EYS: variants seen among roughly 807,000 people sequenced by gnomAD.
EYS encodes EGF-like photoreceptor maintenance factor, also known as protein eyes shut homolog.
In EYS, 250 loss-of-function variants were observed where a neutral mutation model predicts 282.1. That is an observed-to-expected ratio of 0.89 (90% CI 0.80 to 0.98). EYS has a LOEUF of 0.98. Among genes scored for constraint, EYS ranks in the 50% least tolerant of loss-of-function variants. EYS has a pLI of 0.00. For missense variants in EYS, 4,016 were observed against 3,709.0 expected (o/e 1.08, Z -2.15); for synonymous variants, 1,355 against 1,282.9 (o/e 1.06, Z -1.20).
At chr6:63,763,151 C>T (rs997062075) in intron 40 of EYS, among the ~76,000 whole-genome samples, 3 of 152,030 alleles carry the variant, frequency 2.0e-5, no homozygotes, top group African/African-American at 7.2e-5. Flanking sequence ...GGAACAATAG[C>T]TTGAGGACAT....
At chr6:64,350,822 C>T (rs1582638992) in intron 29 of EYS, among the ~76,000 whole-genome samples, 1 of 151,464 alleles carries the variant, frequency 6.6e-6, no homozygotes, top group Admixed American at 6.6e-5. Flanking sequence ...TAATTCCCAA[C>T]GTGTTGTGGG....
At chr6:64,873,376 G>T (rs1766652748) in intron 19 of EYS, among the ~76,000 whole-genome samples, 1 of 152,110 alleles carries the variant, frequency 6.6e-6, no homozygotes, top group African/African-American at 2.4e-5. Flanking sequence ...TTTGGGAGGG[G>T]ACACAGCCAA....
At chr6:65,570,746 TTTTG>T (rs1764448192) in intron 2 of EYS, among the ~76,000 whole-genome samples, 1 of 152,130 alleles carries the variant, frequency 6.6e-6, no homozygotes, top group African/African-American at 2.4e-5. Flanking sequence ...AAAAGAAAGG[TTTTG>T]TTTATTTTCA....
chr6:64,507,793 T>C (rs760170307), intron 26 of EYS, among the ~76,000 whole-genome samples: 1 of 152,288 alleles, frequency 6.6e-6, no homozygotes, highest in East Asian at 1.9e-4. Flanking sequence ...GGAATTCTCT[T>C]AGGGTTTGGC....
chr6:65,597,061 A>G (rs949368567), intron 2 of EYS, among the ~76,000 whole-genome samples: 3 of 152,104 alleles, frequency 2.0e-5, no homozygotes, highest in Non-Finnish European at 4.4e-5. Flanking sequence ...GCATATGAAC[A>G]TTATATTAGA....
chr6:64,541,667 C>A (rs1390224980), intron 26 of EYS, among the ~76,000 whole-genome samples: 2 of 152,154 alleles, frequency 1.3e-5, no homozygotes, highest in African/African-American at 2.4e-5. Context: ...CCTTCCTAAT[C>A]CACTGATATT....
At chr6:65,078,440 G>A (rs1014324036) in intron 12 of EYS, among the ~76,000 whole-genome samples, 5 of 151,986 alleles carry the variant, frequency 3.3e-5, no homozygotes, top group African/African-American at 1.2e-4. Flanking sequence ...AAGCAAGATT[G>A]CCAAGAAGAA....
intron 26 of EYS, among the ~76,000 whole-genome samples, chr6:64,442,949 C>A (rs1046374964): frequency 1.4e-5 from 2 of 141,292 alleles, no homozygotes; most frequent in Admixed American, 1.4e-4. Flanking sequence ...TGGGGCACTG[C>A]CTAGTGGAGT....
chr6:65,192,190 T>G (rs547491000), intron 12 of EYS, among the ~76,000 whole-genome samples: 2 of 151,858 alleles, frequency 1.3e-5, no homozygotes, highest in South Asian at 4.2e-4. Flanking sequence ...ATCATGATTT[T>G]TTATCATAAA....
intron 12 of EYS, among the ~76,000 whole-genome samples, chr6:65,139,010 T>C (rs558751980): frequency 3.0e-4 from 46 of 152,250 alleles, no homozygotes; most frequent in African/African-American, 9.1e-4. Flanking sequence ...TCAGCCATTG[T>C]GGAAAGCATT....
In EYS at chr6:65,353,567, A is replaced by G. The variant is rs371781563; in HGVS notation, c.1350T>C (p.Asn450=). 2 of 1,613,192 alleles carry G rather than the reference A, an allele frequency of 1.2e-6. No homozygotes were observed. Among genetic ancestry groups the G allele is most frequent in the Non-Finnish European group, 1.7e-6 (2 of 1,179,518 alleles). Residue 450 remains asparagine (N), a synonymous_variant, in exon 9 of 43, where the codon AAT becomes AAC. Coordinates refer to ENST00000503581, the MANE Select transcript of EYS (RefSeq NM_001142800.2). ...CTKNPCWFLK[N]VYLIHQHLCY... ...AGAGGTGTTGATGAATTAGGTAAAC[A>G]TTCTTCAAAAACCAACATGGATTTT... is the stretch of plus-strand genomic sequence containing the variant.
chr6:63,725,980 A>T (rs1162228918), intron 42 of EYS, among the ~76,000 whole-genome samples: 1 of 152,194 alleles, frequency 6.6e-6, no homozygotes, highest in African/African-American at 2.4e-5. Context: ...AGGGTAAAGT[A>T]AAACCTAAAA....
intron 11 of EYS, among the ~76,000 whole-genome samples, chr6:65,308,104 T>C (rs1769061830): frequency 1.4e-5 from 1 of 72,482 alleles, no homozygotes; most frequent in Admixed American, 2.0e-4. Context: ...TCCCTAGCAG[T>C]TGGGACAGAC....
intron 15 of EYS, among the ~76,000 whole-genome samples, chr6:64,941,144 G>C (rs907709818): frequency 2.6e-5 from 4 of 152,038 alleles, no homozygotes; most frequent in Non-Finnish European, 5.9e-5. Context: ...ACTTTGGGAG[G>C]CTGAGGCGGG....
intron 5 of EYS, among the ~76,000 whole-genome samples, chr6:65,440,342 C>T (rs769283278): frequency 2.0e-5 from 3 of 151,004 alleles, no homozygotes; most frequent in Non-Finnish European, 4.4e-5. Flanking sequence ...GTCTTGAAAA[C>T]TTACAATGCA....
chr6:64,727,989 C>T (rs938080217), intron 22 of EYS, among the ~76,000 whole-genome samples: 1 of 152,108 alleles, frequency 6.6e-6, no homozygotes, highest in Admixed American at 6.5e-5. Context: ...GACCCCTTCA[C>T]GGGTGGAAAC....
chr6:65,250,844 G>T (rs890549282), intron 12 of EYS, among the ~76,000 whole-genome samples: 8 of 151,554 alleles, frequency 5.3e-5, no homozygotes, highest in African/African-American at 1.5e-4. Flanking sequence ...TCTACCGTAA[G>T]TTAGAATTTG....
intron 41 of EYS, among the ~76,000 whole-genome samples, chr6:63,750,992 C>A (rs931057592): frequency 1.6e-4 from 25 of 152,194 alleles, no homozygotes; most frequent in Non-Finnish European, 2.8e-4. Context: ...AATTTCACCA[C>A]TCTTACCTTG....
chr6:64,171,508 C>T (rs1764479600), intron 31 of EYS, among the ~76,000 whole-genome samples: 1 of 151,620 alleles, frequency 6.6e-6, no homozygotes, highest in South Asian at 2.1e-4. Context: ...CTAGCTTTTA[C>T]TGACTGATCT....
Sources: gnomAD v4.1 joint callset for allele counts (sites outside exome capture counted in the v4.1 genomes callset) on GRCh38, gnomAD v4.1.1 for gene constraint, MANE v1.5 for transcripts, NCBI Gene and HGNC (gene_info 2026-07-23, HGNC 2026-07-21) for gene names.